The following STARD8 variants were observed in gnomAD, a reference collection of about 807,000 sequenced individuals.
STARD8 encodes StAR related lipid transfer domain containing 8, also known as stAR-related lipid transfer protein 8.
Under a neutral mutation model 69.4 loss-of-function variants are expected in STARD8, and 25 were observed. The observed-to-expected ratio is 0.36, with a 90% CI of 0.26 to 0.50. The LOEUF (loss-of-function observed/expected upper bound fraction) is 0.50, where lower values mean the gene tolerates loss of function less well. Among genes scored for constraint, STARD8 ranks in the 20% least tolerant of loss-of-function variants. The pLI is 0.96. For synonymous variants in STARD8, 389 were observed against 374.6 expected (o/e 1.04, Z -0.45); for missense variants, 921 against 932.5 (o/e 0.99, Z 0.16).
At chrX:68,649,430 A>C (rs1181463697) in intron 1 of STARD8, among the ~76,000 whole-genome samples, 1 of 109,815 alleles carries the variant, frequency 9.1e-6, no homozygotes, top group Non-Finnish European at 1.9e-5. Flanking sequence ...CTGTGGATTC[A>C]TGGTCCTCAT....
In STARD8 at chrX:68,722,541, C is replaced by G; in HGVS notation, c.2694C>G (p.Leu898=). The change falls in exon 12 of 15, where the codon CTC becomes CTG. Residue 898 remains leucine (L), a synonymous_variant. Transcript: ENST00000374599. ...AAGCTGCAGGGGTAAGCCTGAGCCT[C>G]TACATGGAAGAGAATATCCAGGACC... ...QAQAAGVSLS[L]YMEENIQDLL... is the part of the protein sequence containing the mutation. The G allele has an allele frequency of 8.3e-7, 1 of 1,211,941 alleles. No homozygotes were observed. Among genetic ancestry groups the G allele is most frequent in the Non-Finnish European group, 1.1e-6 (1 of 895,613 alleles).
intron 2 of STARD8, among the ~76,000 whole-genome samples, chrX:68,670,469 T>C (rs368771122): frequency 2.7e-4 from 30 of 111,421 alleles, no homozygotes; most frequent in African/African-American, 9.8e-4. Flanking sequence ...TTTTGTGGCC[T>C]AAGGGGCTGG....
intron 3 of STARD8, among the ~76,000 whole-genome samples, chrX:68,713,943 C>T (rs1307714724): frequency 4.5e-5 from 5 of 112,012 alleles, no homozygotes; most frequent in Non-Finnish European, 9.4e-5. Flanking sequence ...GCTCAAGCCC[C>T]ATACCCAGGA....
chrX:68,715,712 A>G (rs1330648745), intron 4 of STARD8, among the ~76,000 whole-genome samples: 2 of 111,673 alleles, frequency 1.8e-5, no homozygotes, highest in Non-Finnish European at 3.8e-5. Context: ...ACAAGGCTTC[A>G]GCCTAACTGG....
At chrX:68,705,856 T>A (rs981392767) in intron 2 of STARD8, among the ~76,000 whole-genome samples, 2 of 112,840 alleles carry the variant, frequency 1.8e-5, no homozygotes, top group African/African-American at 6.4e-5. Flanking sequence ...GGGGAAAAAT[T>A]GTCCCTGGTT....
At chrX:68,720,548 C>G in intron 8 of STARD8, 125 bp downstream of exon 8, 2 of 822,795 alleles carry the variant, frequency 2.4e-6, no homozygotes, top group Non-Finnish European at 3.3e-6. Context: ...TTGGGCTGGT[C>G]CACCAGAGGC....
intron 2 of STARD8, among the ~76,000 whole-genome samples, chrX:68,694,693 G>C (rs951314406): frequency 9.0e-6 from 1 of 111,540 alleles, no homozygotes; most frequent in Admixed American, 9.5e-5. Flanking sequence ...TGTTTACTTG[G>C]TACCTGGGGT....
Position 68,718,555 on chromosome X carries a change from G to A in STARD8, c.1641G>A (p.Leu547=), listed in dbSNP as rs1169159897. The A allele has an allele frequency of 8.2e-6, 10 of 1,212,138 alleles. No homozygotes were observed. The highest frequency in any genetic ancestry group is 1.1e-5 in the Non-Finnish European group (10 of 895,527). ...SMNEAEAAGP[L]AGLQASMPRE... ...ATGAGGCTGAGGCTGCGGGGCCCCT[G>A]GCTGGACTCCAGGCATCAATGCCCC... The change falls in exon 6 of 15, where the codon CTG becomes CTA. Residue 547 remains leucine (L), a synonymous_variant. Transcript: ENST00000374599.
At chrX:68,667,689 G>C (rs2079692428) in intron 2 of STARD8, among the ~76,000 whole-genome samples, 1 of 110,752 alleles carries the variant, frequency 9.0e-6, no homozygotes, top group African/African-American at 3.3e-5. Flanking sequence ...ACTGCGATGG[G>C]GGCTGGCACT....
Position 68,718,622 on chromosome X carries a change from C to A in STARD8, c.1708C>A (p.Pro570Thr). Residue 570 changes from proline (P) to threonine (T), a missense_variant, in exon 6 of 15, where the codon CCC becomes ACC. Pro to Thr is a conservative substitution (Grantham distance 38, BLOSUM62 -1). Coordinates refer to ENST00000374599, the MANE Select transcript of STARD8 (RefSeq NM_001142503.3). ...AGGTGTTGGGGCCTCACTTACCAGA[C>A]CCTGCAGGTGAGAGTTTGGGTTGGG... Reference protein sequence around the residue: ...DSGVGASLTRPCRKLRWHSFQ... With the variant: ...DSGVGASLTRTCRKLRWHSFQ... The A allele has an allele frequency of 1.7e-6, 2 of 1,195,472 alleles. No individual in the cohort carries two copies. The highest frequency in any genetic ancestry group is 1.9e-5 in the South Asian group (1 of 53,624).
intron 2 of STARD8, among the ~76,000 whole-genome samples, chrX:68,678,212 C>T (rs1354316219): frequency 9.0e-6 from 1 of 111,280 alleles, no homozygotes; most frequent in African/African-American, 3.3e-5. Flanking sequence ...GAGGATCAAT[C>T]AGGAGAAACA....
intron 2 of STARD8, among the ~76,000 whole-genome samples, chrX:68,691,100 C>T (rs185826244): frequency 2.6e-4 from 29 of 111,411 alleles, no homozygotes; most frequent in African/African-American, 8.2e-4. Context: ...CCCCATGCCT[C>T]GGGCACAGAA....
intron 1 of STARD8, among the ~76,000 whole-genome samples, chrX:68,662,068 C>A (rs184286819): frequency 9.4e-6 from 1 of 105,877 alleles, no homozygotes; most frequent in East Asian, 3.0e-4. Flanking sequence ...AGTGCCATGG[C>A]GTGATCTCAG....
chrX:68,671,933 G>C (rs2079730904), intron 2 of STARD8, among the ~76,000 whole-genome samples: 1 of 111,601 alleles, frequency 9.0e-6, no homozygotes, highest in Non-Finnish European at 1.9e-5. Context: ...TTGACTTTTT[G>C]AAGTTTCCAT....
rs777651528 is a variant in STARD8, at chrX:68,717,818, C to T, written c.904C>T (p.Pro302Ser). The T allele has an allele frequency of 8.3e-7, 1 of 1,211,341 alleles. No individual in the cohort carries two copies. Among genetic ancestry groups the T allele is most frequent in the South Asian group, 1.8e-5 (1 of 56,866 alleles). The change falls in exon 6 of 15, where the codon CCT (proline) becomes TCT (serine). Residue 302 changes from proline to serine, a missense_variant. By Grantham distance (74) the Pro-to-Ser change is moderately conservative. Transcript: ENST00000374599. ...CCGGGGTGATTGCCTGGTGCACGTT[C>T]CTGGGGACCACAAACCAGGCACATT... ...THRGDCLVHV[P>S]GDHKPGTFPR...
intron 11 of STARD8, 49 bp from the exon 12 acceptor site, chrX:68,722,373 G>T: frequency 9.1e-7 from 1 of 1,104,597 alleles, no homozygotes; most frequent in Non-Finnish European, 1.2e-6. Flanking sequence ...GACCCCATGG[G>T]GTCTCCTGCT....
intron 2 of STARD8, among the ~76,000 whole-genome samples, chrX:68,701,681 T>C (rs1220043719): frequency 9.0e-6 from 1 of 110,582 alleles, no homozygotes; most frequent in Non-Finnish European, 1.9e-5. Context: ...GGGGTGGCAG[T>C]GTGGGCAGTG....
chrX:68,670,517 A>C (rs1243833510), intron 2 of STARD8, among the ~76,000 whole-genome samples: 1 of 111,133 alleles, frequency 9.0e-6, no homozygotes, highest in Non-Finnish European at 1.9e-5. Flanking sequence ...CAAGAGTGCA[A>C]GACAGAATTA....
chrX:68,690,257 C>T (rs751740646), intron 2 of STARD8, among the ~76,000 whole-genome samples: 1 of 111,441 alleles, frequency 9.0e-6, no homozygotes, highest in Admixed American at 9.5e-5. Context: ...TACCCCTTTT[C>T]TAAAAACTTC....
Sources: gnomAD v4.1 joint callset for allele counts (sites outside exome capture counted in the v4.1 genomes callset) on GRCh38, gnomAD v4.1.1 for gene constraint, MANE v1.5 for transcripts, NCBI Gene and HGNC (gene_info 2026-07-23, HGNC 2026-07-21) for gene names.